KCNQ5: variants seen among roughly 807,000 people sequenced by gnomAD.
KCNQ5 encodes the protein potassium voltage-gated channel subfamily KQT member 5.
In KCNQ5, 30 loss-of-function variants were observed where a neutral mutation model predicts 98.2. The observed-to-expected ratio is 0.31, with a 90% CI of 0.23 to 0.41. KCNQ5 has a LOEUF of 0.41. Ranked by LOEUF, KCNQ5 falls within the 10% of genes least tolerant of loss-of-function variation. The probability of loss-of-function intolerance (pLI) is 1.00; values close to 1 mark genes in which losing one functional copy is unlikely to be tolerated. For synonymous variants in KCNQ5, 458 were observed against 449.4 expected (o/e 1.02, Z -0.24); for missense variants, 835 against 1,182.5 (o/e 0.71, Z 4.31).
chr6:73,077,306 G>C lies in KCNQ5; in HGVS notation c.617-16G>C. On this transcript the variant is annotated splice_polypyrimidine_tract_variant and intron_variant, in intron 3 of 13. Coordinates refer to ENST00000370398, the MANE Select transcript of KCNQ5 (RefSeq NM_019842.4). ...TGGTCGTGCTAACTGTGGCTATTTCGACCTGTTTCTTTCAGATACCATTGT... is the reference window on the plus strand; with the variant it reads ...TGGTCGTGCTAACTGTGGCTATTTCCACCTGTTTCTTTCAGATACCATTGT... 1 of 1,610,226 alleles carries C rather than the reference G, an allele frequency of 6.2e-7. No individual in the cohort carries two copies. Among genetic ancestry groups the C allele is most frequent in the Non-Finnish European group, 8.5e-7 (1 of 1,178,146 alleles).
intron 1 of KCNQ5, among the ~76,000 whole-genome samples, chr6:72,695,705 T>C (rs1768458654): frequency 6.6e-6 from 1 of 152,182 alleles, no homozygotes. Context: ...CATACACATA[T>C]ACACACATAC....
At chr6:73,147,821 C>G (rs11962533) in intron 10 of KCNQ5, among the ~76,000 whole-genome samples, 32,895 of 151,880 alleles carry the variant, frequency 0.22, 8,497 homozygotes, top group African/African-American at 0.61. Context: ...CAGAGGCAAA[C>G]GGTATGACAT....
intron 1 of KCNQ5, among the ~76,000 whole-genome samples, chr6:72,629,022 G>A (rs529475479): frequency 6.6e-6 from 1 of 152,098 alleles, no homozygotes; most frequent in Admixed American, 6.5e-5. Flanking sequence ...TAAAGGCAGG[G>A]GTTTCTGTCT....
In KCNQ5 at chr6:73,195,736, A is replaced by G; in HGVS notation, c.*322A>G. The stretch of plus-strand genomic sequence containing the variant: ...AGAAGATTTGACACTGTATTTTGAA[A>G]TTATGGGAGTAAACACCTTCAAATT... On this transcript the variant is annotated 3_prime_UTR_variant, in exon 14 of 14. Coordinates refer to ENST00000370398, the MANE Select transcript of KCNQ5 (RefSeq NM_019842.4). 1 of 260,484 alleles carries G rather than the reference A, an allele frequency of 3.8e-6. No individual in the cohort carries two copies. 16.1% of individuals were successfully genotyped at this position (260,484 alleles called of 1,614,324 possible).
intron 1 of KCNQ5, among the ~76,000 whole-genome samples, chr6:72,888,939 C>T (rs1023694415): frequency 6.6e-6 from 1 of 152,102 alleles, no homozygotes; most frequent in African/African-American, 2.4e-5. Flanking sequence ...TCTGTATGTA[C>T]ATCTATGTGT....
intron 1 of KCNQ5, among the ~76,000 whole-genome samples, chr6:72,769,697 C>T (rs1409806449): frequency 2.6e-5 from 4 of 152,084 alleles, no homozygotes; most frequent in Non-Finnish European, 4.4e-5. Flanking sequence ...AAAAACAAAC[C>T]CACTAAAATG....
intron 1 of KCNQ5, among the ~76,000 whole-genome samples, chr6:72,933,100 G>A (rs1379675935): frequency 6.6e-6 from 1 of 152,044 alleles, no homozygotes; most frequent in Non-Finnish European, 1.5e-5. Flanking sequence ...ACCAGGACAG[G>A]AGAAAAATCT....
At chr6:73,177,692 A>T (rs1487452046) in intron 11 of KCNQ5, among the ~76,000 whole-genome samples, 3 of 152,200 alleles carry the variant, frequency 2.0e-5, no homozygotes, top group Admixed American at 1.3e-4. Context: ...CATCTCTGCT[A>T]TTTTAGCAGA....
intron 1 of KCNQ5, among the ~76,000 whole-genome samples, chr6:72,751,986 TC>T (rs1244405235): frequency 6.6e-6 from 1 of 152,232 alleles, no homozygotes; most frequent in Admixed American, 6.6e-5. Context: ...CAAATGTACA[TC>T]TTTTGCCTTT....
At chr6:72,752,892 G>A (rs536252470) in intron 1 of KCNQ5, among the ~76,000 whole-genome samples, 4 of 152,218 alleles carry the variant, frequency 2.6e-5, no homozygotes, top group African/African-American at 9.6e-5. Flanking sequence ...AGTGAAGAAT[G>A]AATTGATCGA....
In KCNQ5 at chr6:72,963,654, T is replaced by TTTTATTTATTTATTTATTTATTTA. The variant is rs144818469; in HGVS notation, c.399-40251_399-40228dup. On this transcript the variant is annotated intron_variant, in intron 1 of 13. Coordinates refer to ENST00000370398, the MANE Select transcript of KCNQ5 (RefSeq NM_019842.4). Reference sequence around the variant, plus strand: ...CTATAGCTATTAATCACAGCTTTTATTTTATTTATTTATTTATTTATTTAT... The same window carrying TTTTATTTATTTATTTATTTATTTA: ...CTATAGCTATTAATCACAGCTTTTATTTTATTTATTTATTTATTTATTTATTTATTTATTTATTTATTTATTTAT... Among the ~76,000 whole-genome samples the TTTTATTTATTTATTTATTTATTTA allele has an allele frequency of 3.9e-5, 6 of 152,054 alleles. No individual in the cohort carries two copies. In the East Asian group the frequency reaches 1.2e-3, roughly 29 times the overall value.
intron 10 of KCNQ5, among the ~76,000 whole-genome samples, chr6:73,168,639 T>C (rs1031376380): frequency 2.0e-5 from 3 of 151,604 alleles, no homozygotes; most frequent in African/African-American, 7.3e-5. Flanking sequence ...ATAGGGGTGG[T>C]GGTTACAGGG....
intron 10 of KCNQ5, among the ~76,000 whole-genome samples, chr6:73,158,816 T>C (rs1777494192): frequency 6.6e-6 from 1 of 152,214 alleles, no homozygotes; most frequent in Non-Finnish European, 1.5e-5. Context: ...TTTAATTTCA[T>C]TGCACATTTT....
intron 1 of KCNQ5, among the ~76,000 whole-genome samples, chr6:72,889,652 A>C (rs1419598879): frequency 6.6e-6 from 1 of 152,224 alleles, no homozygotes; most frequent in African/African-American, 2.4e-5. Flanking sequence ...GGCACAAAGA[A>C]GAGAACACAG....
At chr6:73,146,996 G>C (rs1776951895) in intron 10 of KCNQ5, among the ~76,000 whole-genome samples, 1 of 152,188 alleles carries the variant, frequency 6.6e-6, no homozygotes, top group African/African-American at 2.4e-5. Context: ...TATGACTATA[G>C]TATGTTCTCA....
chr6:72,812,084 A>G (rs1775269177), intron 1 of KCNQ5, among the ~76,000 whole-genome samples: 1 of 152,174 alleles, frequency 6.6e-6, no homozygotes, highest in African/African-American at 2.4e-5. Flanking sequence ...TTAGCATGCC[A>G]ATGCATTACA....
chr6:72,937,933 CA>C (rs1197484251), intron 1 of KCNQ5, among the ~76,000 whole-genome samples: 1 of 152,094 alleles, frequency 6.6e-6, no homozygotes, highest in African/African-American at 2.4e-5. Context: ...GCTATGTAGT[CA>C]AAAGGCTTTA....
At chr6:72,852,132 A>G (rs1412795342) in intron 1 of KCNQ5, among the ~76,000 whole-genome samples, 1 of 152,174 alleles carries the variant, frequency 6.6e-6, no homozygotes, top group East Asian at 1.9e-4. Flanking sequence ...ATTAAAGAGA[A>G]CACAAACAAT....
intron 3 of KCNQ5, among the ~76,000 whole-genome samples, chr6:73,056,931 G>C (rs948748422): frequency 1.3e-5 from 2 of 151,984 alleles, no homozygotes; most frequent in Non-Finnish European, 2.9e-5. Flanking sequence ...GATTCCTTAA[G>C]GATCTAGAAC....
Sources: allele counts gnomAD v4.1 joint callset (sites outside exome capture counted in the v4.1 genomes callset), GRCh38; gene constraint gnomAD v4.1.1; transcripts MANE v1.5; gene names NCBI Gene and HGNC (gene_info 2026-07-23, HGNC 2026-07-21).